Variants in ABCA12 observed in about 807,000 individuals in gnomAD.
ABCA12 encodes ATP binding cassette subfamily A member 12.
Under a neutral mutation model 293.5 loss-of-function variants are expected in ABCA12, and 156 were observed. The observed-to-expected ratio is 0.53, with a 90% confidence interval of 0.47 to 0.61. ABCA12 has a LOEUF of 0.61. Among genes scored for constraint, ABCA12 ranks in the 20% least tolerant of loss-of-function variants. ABCA12 has a pLI of 0.00. For missense variants in ABCA12, 2,797 were observed against 3,090.2 expected (o/e 0.91, Z 2.25); for synonymous variants, 1,063 against 1,108.0 (o/e 0.96, Z 0.81).
chr2:215,124,511 C>T (rs192329960), intron 1 of ABCA12, among the ~76,000 whole-genome samples: 16 of 152,174 alleles, frequency 1.1e-4, no homozygotes, highest in Admixed American at 5.9e-4. Context: ...AGGAGTGAAG[C>T]GGTATCACAT....
chr2:215,066,088 G>A (rs148505457), intron 2 of ABCA12, among the ~76,000 whole-genome samples: 4 of 152,128 alleles, frequency 2.6e-5, no homozygotes, highest in East Asian at 3.9e-4. Flanking sequence ...CTGCTAAACC[G>A]CCTGTTAGCT....
At chr2:215,091,345 T>G (rs1027979082) in intron 2 of ABCA12, among the ~76,000 whole-genome samples, 2 of 152,124 alleles carry the variant, frequency 1.3e-5, no homozygotes, top group African/African-American at 4.8e-5. Context: ...ACAGTTTCAT[T>G]CTGGAACTAG....
chr2:214,971,246 G>C (rs1383819815), intron 36 of ABCA12, among the ~76,000 whole-genome samples: 1 of 152,122 alleles, frequency 6.6e-6, no homozygotes, highest in Non-Finnish European at 1.5e-5. Context: ...GAAAATCGGT[G>C]CTGGATTTTA....
At chr2:215,119,752 A>AAAAAAAAAAAAAAAAAAAAAC (rs1203424589) in intron 1 of ABCA12, among the ~76,000 whole-genome samples, 1 of 143,010 alleles carries the variant, frequency 7.0e-6, no homozygotes, top group African/African-American at 2.9e-5. Flanking sequence ...AAAAAAAAAA[A>AAAAAAAAAAAAAAAAAAAAAC]TGAAAACAAA....
chr2:215,030,653 G>T (rs1700856921), intron 9 of ABCA12, among the ~76,000 whole-genome samples: 3 of 152,130 alleles, frequency 2.0e-5, no homozygotes, highest in Non-Finnish European at 4.4e-5. Flanking sequence ...AGCCTGGCTA[G>T]GGTGAAATTG....
intron 7 of ABCA12, among the ~76,000 whole-genome samples, chr2:215,037,570 A>G (rs749545297): frequency 6.6e-6 from 1 of 152,202 alleles, no homozygotes; most frequent in Non-Finnish European, 1.5e-5. Context: ...TGCCCTAATT[A>G]AAGACTATAT....
chr2:215,004,233 G>A lies in ABCA12; in HGVS notation c.2659C>T (p.Leu887=). 1 of 1,613,906 alleles carries A rather than the reference G, an allele frequency of 6.2e-7. No homozygotes were observed. Among genetic ancestry groups the A allele is most frequent in the Non-Finnish European group, 8.5e-7 (1 of 1,179,932 alleles). Residue 887 remains leucine, a synonymous_variant, in exon 20 of 53, where the codon CTA becomes TTA. Transcript: ENST00000272895. ...CCGAGTTCATCTATCTGTTTCAATA[G>A]TTCAACAGCATCGAGTCCCACGGAG... ...KFSVGLDAVE[L]LKQIDELDIL...
intron 8 of ABCA12, among the ~76,000 whole-genome samples, chr2:215,035,306 A>T (rs762863773): frequency 2.6e-5 from 4 of 152,242 alleles, no homozygotes; most frequent in African/African-American, 9.6e-5. Flanking sequence ...AGTGTATCAA[A>T]TTTTATGAAT....
Position 214,955,211 on chromosome 2 carries a change from A to C in ABCA12, c.6384T>G (p.Pro2128=). 1.2e-6 allele frequency: 2 copies of C among 1,614,122 alleles called. No homozygotes were observed. Among genetic ancestry groups the C allele is most frequent in the Non-Finnish European group, 1.7e-6 (2 of 1,179,980 alleles). The change falls in exon 43 of 53, where the codon CCT becomes CCG. Residue 2128 remains proline (P), a synonymous_variant. Transcript: ENST00000272895. ...AAATAAGGGACCTTACCGGATCATTAGGCTTTTCCTTGGAAAGAAAGTATA... is the reference window on the plus strand; with the variant it reads ...AAATAAGGGACCTTACCGGATCATTCGGCTTTTCCTTGGAAAGAAAGTATA... The part of the protein sequence containing the change: ...SVVYFLSKEK[P]NDPTLELISE...
At chr2:215,027,202 C>G (rs185588684) in intron 9 of ABCA12, among the ~76,000 whole-genome samples, 1 of 151,936 alleles carries the variant, frequency 6.6e-6, no homozygotes, top group Non-Finnish European at 1.5e-5. Context: ...AAAAATTAGC[C>G]GGGCGTGGTG....
At chr2:215,093,574 T>A (rs1702192201) in intron 2 of ABCA12, among the ~76,000 whole-genome samples, 1 of 152,190 alleles carries the variant, frequency 6.6e-6, no homozygotes, top group African/African-American at 2.4e-5. Context: ...AACAACTCGA[T>A]CTTATTGTTT....
chr2:215,006,956 A>C (rs1203228642), intron 19 of ABCA12, among the ~76,000 whole-genome samples: 1 of 139,078 alleles, frequency 7.2e-6, no homozygotes, highest in Non-Finnish European at 1.5e-5. Context: ...GCTCACTGCA[A>C]CCTCCACCTC....
chr2:215,052,670 G>A, intron 4 of ABCA12, 86 bp from the exon 5 acceptor site: 2 of 1,139,024 alleles, frequency 1.8e-6, no homozygotes, highest in Non-Finnish European at 2.6e-6. Context: ...AACATCACTT[G>A]TGACCTCATA....
At chr2:215,034,932 C>A (rs1295621597) in intron 8 of ABCA12, among the ~76,000 whole-genome samples, 2 of 152,100 alleles carry the variant, frequency 1.3e-5, no homozygotes, top group Non-Finnish European at 2.9e-5. Context: ...GAGATACCAC[C>A]CCACTCCAGC....
At chr2:214,949,404 A>T (rs1018463324) in intron 45 of ABCA12, among the ~76,000 whole-genome samples, 11 of 151,112 alleles carry the variant, frequency 7.3e-5, no homozygotes, top group African/African-American at 2.7e-4. Flanking sequence ...ACACACACAC[A>T]GGACCTATTT....
intron 2 of ABCA12, among the ~76,000 whole-genome samples, chr2:215,083,387 G>A (rs1427323075): frequency 1.3e-5 from 2 of 152,142 alleles, no homozygotes; most frequent in Non-Finnish European, 2.9e-5. Flanking sequence ...GACAGGTCAA[G>A]ACATCAGGGT....
chr2:214,948,580 T>G lies in ABCA12; in HGVS notation c.7104+16A>C, dbSNP rs1275333723. On this transcript the variant is annotated intron_variant, in intron 47 of 52. Transcript: ENST00000272895. Reference sequence around the variant, plus strand: ...TAATGGTTTCAAATTAAGTAATTTTTCACACTTGTACTCACTTCTTTAATA... The same window carrying G: ...TAATGGTTTCAAATTAAGTAATTTTGCACACTTGTACTCACTTCTTTAATA... 6.2e-7 allele frequency: 1 copy of G among 1,613,638 alleles called. No homozygotes were observed.
chr2:214,965,504 C>T (rs1401520584), intron 39 of ABCA12, among the ~76,000 whole-genome samples: 2 of 151,998 alleles, frequency 1.3e-5, no homozygotes, highest in African/African-American at 4.8e-5. Context: ...GTCTAATATC[C>T]AGAGTCTTTA....
In ABCA12 at chr2:214,967,685, A is replaced by C. The variant is rs1054209501; in HGVS notation, c.5779-732T>G. ...TCCCCAGCACCACTAATTACTTTCT[A>C]TATGATTTACTGTAAAAATCAGCTA... is the stretch of plus-strand genomic sequence containing the variant. On this transcript the variant is annotated intron_variant, in intron 38 of 52. Transcript: ENST00000272895. Among the ~76,000 whole-genome samples the C allele has an allele frequency of 2.0e-5, 3 of 152,174 alleles. No individual in the cohort carries two copies. In the East Asian group the frequency reaches 5.8e-4, roughly 29 times the overall value.
Sources: gnomAD v4.1 joint callset for allele counts (sites outside exome capture counted in the v4.1 genomes callset) on GRCh38, gnomAD v4.1.1 for gene constraint, MANE v1.5 for transcripts, NCBI Gene and HGNC (gene_info 2026-07-23, HGNC 2026-07-21) for gene names.